PTTG1IP2: variants seen among roughly 807,000 people sequenced by gnomAD.
PTTG1IP2 encodes the protein PTTG1IP family member 2.
chr7:90,502,272 C>A (rs1482734523), intron 6 of PTTG1IP2, among the ~76,000 whole-genome samples: 1 of 152,212 alleles, frequency 6.6e-6, no homozygotes, highest in African/African-American at 2.4e-5. Context: ...CACAGCTTCC[C>A]AAGTAGCTGG....
intron 2 of PTTG1IP2, among the ~76,000 whole-genome samples, chr7:90,482,721 C>T (rs1030473828): frequency 8.9e-4 from 135 of 151,866 alleles, no homozygotes; most frequent in African/African-American, 3.0e-3. Context: ...TAAGACTTGT[C>T]ATAAGTACAT....
At chr7:90,480,844 TC>T (rs1797807676) in intron 2 of PTTG1IP2, among the ~76,000 whole-genome samples, 1 of 152,240 alleles carries the variant, frequency 6.6e-6, no homozygotes, top group African/African-American at 2.4e-5. Flanking sequence ...AACTAGATTG[TC>T]CTATTTGGTT....
At chr7:90,497,715 T>TAA (rs1261744146) in intron 6 of PTTG1IP2, among the ~76,000 whole-genome samples, 43 of 56,336 alleles carry the variant, frequency 7.6e-4, no homozygotes, top group Middle Eastern at 7.8e-3. Context: ...AGACCCTGTA[T>TAA]AAAAAAAAAA....
At position 90,471,740 on chromosome 7, in the gene PTTG1IP2, A is replaced by G. The variant is rs1271050019; in HGVS notation, c.145+1809A>G. On this transcript the variant is annotated intron_variant, in intron 1 of 6. Transcript: ENST00000509356. ...CCCAAATCTGGAGAGAAACAAGTTG[A>G]GGGGGTATCCATTCTTTTTCTTATT... Among the ~76,000 whole-genome samples the G allele has an allele frequency of 3.3e-5, 5 of 152,166 alleles. No homozygotes were observed. The East Asian group carries it at 9.6e-4, about 29-fold the overall frequency.
chr7:90,491,078 A>T (rs988649261), intron 4 of PTTG1IP2, among the ~76,000 whole-genome samples: 6 of 152,124 alleles, frequency 3.9e-5, no homozygotes, highest in Non-Finnish European at 8.8e-5. Context: ...TTTTTCTTTT[A>T]AAAAAATACC....
At chr7:90,485,963 G>C (rs928759374) in intron 2 of PTTG1IP2, among the ~76,000 whole-genome samples, 2 of 152,138 alleles carry the variant, frequency 1.3e-5, no homozygotes, top group East Asian at 1.9e-4. Context: ...CCAGTCTTTC[G>C]GCAACCGTCC....
chr7:90,471,355 C>A (rs1247549462), intron 1 of PTTG1IP2, among the ~76,000 whole-genome samples: 2 of 152,150 alleles, frequency 1.3e-5, no homozygotes, highest in African/African-American at 2.4e-5. Flanking sequence ...TCAAGTGAGA[C>A]CTCCCCCTAA....
intron 1 of PTTG1IP2, among the ~76,000 whole-genome samples, chr7:90,473,052 C>T (rs913933816): frequency 6.6e-6 from 1 of 152,142 alleles, no homozygotes; most frequent in African/African-American, 2.4e-5. Flanking sequence ...TACTCTGAAT[C>T]CACTGGTCTC....
In PTTG1IP2 at chr7:90,498,933, C is replaced by G. The variant is rs991345164; in HGVS notation, c.*50+4503C>G. 2.6e-5 allele frequency among the ~76,000 whole-genome samples: 4 copies of G among 152,134 alleles called. 1 individual carries two copies. Among genetic ancestry groups the G allele is most frequent in the African/African-American group, 9.7e-5 (4 of 41,410 alleles). On this transcript the variant is annotated intron_variant, in intron 6 of 6. Transcript: ENST00000509356. ...GTGGCATGATCATGGCTCACTGCAG[C>G]CTCCACCTCCTGGGCTCAATTGATC...
intron 3 of PTTG1IP2, among the ~76,000 whole-genome samples, chr7:90,487,828 T>C (rs1252603093): frequency 6.6e-6 from 1 of 152,200 alleles, no homozygotes; most frequent in Admixed American, 6.5e-5. Flanking sequence ...ACTTAAAGAA[T>C]GTTTGTATTC....
chr7:90,489,119 G>A (rs1197200280), intron 4 of PTTG1IP2, among the ~76,000 whole-genome samples, 155 bp downstream of exon 4: 2 of 149,366 alleles, frequency 1.3e-5, no homozygotes, highest in African/African-American at 4.9e-5. Context: ...TACGGAAATT[G>A]TAAAATGAAA....
In PTTG1IP2 at chr7:90,475,746, G is replaced by A. The variant is rs187065143; in HGVS notation, c.146-3482G>A. Among the ~76,000 whole-genome samples, 5 of 152,180 alleles carry A rather than the reference G, an allele frequency of 3.3e-5. No individual in the cohort carries two copies. In the East Asian group the frequency reaches 7.7e-4, roughly 24 times the overall value. On this transcript the variant is annotated intron_variant, in intron 1 of 6. Coordinates refer to ENST00000509356, the MANE Select transcript of PTTG1IP2 (RefSeq NM_001365443.2). Reference sequence around the variant, plus strand: ...GAGGCCAATGTGGGTGGATCACGAGGTCAGGAGATAGAGACCATCCTGGCC... The same window carrying A: ...GAGGCCAATGTGGGTGGATCACGAGATCAGGAGATAGAGACCATCCTGGCC...
At chr7:90,502,554 T>C (rs1408166466) in intron 6 of PTTG1IP2, among the ~76,000 whole-genome samples, 1 of 152,212 alleles carries the variant, frequency 6.6e-6, no homozygotes, top group African/African-American at 2.4e-5. Context: ...GACTTGAAAG[T>C]GAAAATGACT....
chr7:90,511,499 C>T (rs565345324), intron 6 of PTTG1IP2, among the ~76,000 whole-genome samples: 2 of 152,096 alleles, frequency 1.3e-5, no homozygotes, highest in African/African-American at 2.4e-5. Context: ...TCTCTTTTTC[C>T]GTATGGTTGG....
chr7:90,475,581 C>T (rs1328338760), intron 1 of PTTG1IP2, among the ~76,000 whole-genome samples: 1 of 152,090 alleles, frequency 6.6e-6, no homozygotes, highest in Non-Finnish European at 1.5e-5. Flanking sequence ...AAAAAAGAGA[C>T]AAGAGTTCAT....
intron 1 of PTTG1IP2, among the ~76,000 whole-genome samples, chr7:90,473,811 C>T (rs1797716785): frequency 6.6e-6 from 1 of 152,242 alleles, no homozygotes; most frequent in Non-Finnish European, 1.5e-5. Context: ...TGCCTGGACT[C>T]ACCTCCCAGC....
At chr7:90,479,156 T>A (rs1797786035) in intron 1 of PTTG1IP2, 72 bp from the exon 2 acceptor site, 1 of 152,638 alleles carries the variant, frequency 6.6e-6, no homozygotes, top group Admixed American at 6.5e-5. Flanking sequence ...CTAAATGAAA[T>A]GCACTTTTAT....
chr7:90,508,933 A>G (rs1001127555), intron 6 of PTTG1IP2, among the ~76,000 whole-genome samples: 2 of 152,176 alleles, frequency 1.3e-5, no homozygotes, highest in Non-Finnish European at 2.9e-5. Context: ...GCCCTGCTCA[A>G]TGTCGCACAG....
chr7:90,481,501 A>G (rs1250641659), intron 2 of PTTG1IP2, among the ~76,000 whole-genome samples: 1 of 152,164 alleles, frequency 6.6e-6, no homozygotes, highest in Non-Finnish European at 1.5e-5. Flanking sequence ...AAAATTTCCC[A>G]CAGCAGCAAT....
Sources: allele counts gnomAD v4.1 joint callset (sites outside exome capture counted in the v4.1 genomes callset), GRCh38; gene constraint gnomAD v4.1.1; transcripts MANE v1.5; gene names NCBI Gene and HGNC (gene_info 2026-07-23, HGNC 2026-07-21).